Variants in LCA5L observed in about 807,000 individuals in gnomAD.
LCA5L encodes the protein lebercilin LCA5 like.
Under a neutral mutation model 45.4 loss-of-function variants are expected in LCA5L, and 35 were observed. The ratio of observed to expected loss-of-function variants is 0.77; its 90% confidence interval spans 0.59 to 1.02. The LOEUF (loss-of-function observed/expected upper bound fraction) is 1.02, where lower values mean the gene tolerates loss of function less well. Ranked by LOEUF, LCA5L falls within the 50% of genes least tolerant of loss-of-function variation. LCA5L has a pLI of 0.00. For synonymous variants in LCA5L, 233 were observed against 264.7 expected (o/e 0.88, Z 1.16); for missense variants, 668 against 761.6 (o/e 0.88, Z 1.45).
chr21:39,422,530 G>A (rs2073940553), intron 6 of LCA5L: 1 of 187,080 alleles, frequency 5.3e-6, no homozygotes, highest in Non-Finnish European at 1.1e-5. Flanking sequence ...CCAAAATGGT[G>A]AGGGAGAATA....
rs781013685 is a variant in LCA5L at position 39,428,383 on chromosome 21, A to G, written c.111T>C (p.Asp37=). The change falls in exon 5 of 11, where the codon GAT becomes GAC. Residue 37 remains aspartate (D), a synonymous_variant. Coordinates refer to ENST00000288350, the MANE Select transcript of LCA5L (RefSeq NM_152505.4). ...TGGAAGCATTACTGTTCCGTGAAAA[A>G]TCGCCTGTGCCTGGGCTTCTCTTGC... ...AACKRSPGTG[D]FSRNSNASNK... 7 of 1,613,290 alleles carry G rather than the reference A, an allele frequency of 4.3e-6. No homozygotes were observed. The African/African-American group carries it at 8.0e-5, about 19-fold the overall frequency.
intron 10 of LCA5L, 32 bp from the exon 11 acceptor site, chr21:39,406,644 T>C (rs1476513826): frequency 8.7e-6 from 13 of 1,494,620 alleles, no homozygotes; most frequent in African/African-American, 1.4e-5. Context: ...TTTAGTGCTG[T>C]TTAAAATGAA....
At chr21:39,411,636 T>G in intron 8 of LCA5L, 82 bp downstream of exon 8, 2 of 649,016 alleles carry the variant, frequency 3.1e-6, no homozygotes, top group Admixed American at 2.8e-5. Context: ...TTTGAAAATA[T>G]CCATTATTTT....
At chr21:39,415,465 C>T (rs907500316) in intron 7 of LCA5L, among the ~76,000 whole-genome samples, 18 of 152,216 alleles carry the variant, frequency 1.2e-4, no homozygotes, top group African/African-American at 2.7e-4. Context: ...GTTTCCCACT[C>T]TCTCTGACCA....
In LCA5L at chr21:39,409,323, A is replaced by G. The variant is rs777113779; in HGVS notation, c.1282+656T>C. On this transcript the variant is annotated intron_variant, in intron 10 of 10. Transcript: ENST00000288350. This position sits in a 1 kb window ranked among gnomAD's most constrained non-coding sequence, Gnocchi z 4.2. ...CTCCAGAACCATGAGAAAATAAATA[A>G]GTGTTGTTTAAACCGGCAGTCTGTG... Among the ~76,000 whole-genome samples, 1 of 152,122 alleles carries G rather than the reference A, an allele frequency of 6.6e-6. No individual in the cohort carries two copies. The highest frequency in any genetic ancestry group is 1.5e-5 in the Non-Finnish European group (1 of 68,040).
chr21:39,414,060 A>G (rs1447928504), intron 7 of LCA5L: 1 of 152,228 alleles, frequency 6.6e-6, no homozygotes, highest in African/African-American at 2.4e-5. Flanking sequence ...TTTGGAACAC[A>G]ACCCGGGATA....
chr21:39,426,444 G>C (rs2074721582), intron 5 of LCA5L, among the ~76,000 whole-genome samples: 1 of 152,152 alleles, frequency 6.6e-6, no homozygotes, highest in Non-Finnish European at 1.5e-5. Context: ...GTAGTATATA[G>C]ATTCAAGATC....
chr21:39,414,740 C>CTGTGTGTGTGTGTGTG (rs796818060), intron 7 of LCA5L, among the ~76,000 whole-genome samples: 18 of 104,114 alleles, frequency 1.7e-4, no homozygotes, highest in African/African-American at 4.4e-4. Flanking sequence ...CTCTCTCTCT[C>CTGTGTGTGTGTGTGTG]TCTGTGTGTG....
intron 2 of LCA5L, among the ~76,000 whole-genome samples, chr21:39,438,235 A>G (rs1007887756): frequency 1.3e-5 from 2 of 152,226 alleles, no homozygotes; most frequent in Admixed American, 6.5e-5. Flanking sequence ...TCTAAGATAA[A>G]GGTAGAGAAA....
intron 5 of LCA5L, among the ~76,000 whole-genome samples, chr21:39,424,302 T>C (rs1007969095): frequency 1.3e-5 from 2 of 152,082 alleles, no homozygotes; most frequent in Non-Finnish European, 2.9e-5. Flanking sequence ...GTGGGAGCCA[T>C]TGTGCCCGGC....
rs1601717388 is a variant in LCA5L, at chr21:39,411,748, T to G, written c.1030A>C (p.Asn344His). 1 of 1,585,218 alleles carries G rather than the reference T, an allele frequency of 6.3e-7. No homozygotes were observed. ...KNIYSHRILKNLHDTEDYPKV... is the reference protein window; with the variant it reads ...KNIYSHRILKHLHDTEDYPKV... ...GGATAGTCCTCTGTGTCATGTAAAT[T>G]TTTAAGTATTCGATGACTATAGATG... Residue 344 changes from asparagine to histidine, a missense_variant, in exon 8 of 11, where the codon AAT (asparagine) becomes CAT (histidine). Coordinates refer to ENST00000288350, the MANE Select transcript of LCA5L (RefSeq NM_152505.4).
intron 9 of LCA5L, 66 bp from the exon 10 acceptor site, chr21:39,410,162 T>C (rs1254947034): frequency 3.9e-6 from 5 of 1,277,818 alleles, no homozygotes; most frequent in Admixed American, 1.8e-5. Flanking sequence ...TTGCATTTTA[T>C]TCTAATGACT....
intron 7 of LCA5L, among the ~76,000 whole-genome samples, chr21:39,414,736 C>CTGTGTGTGTGTGTGTGTG (rs1445537335): frequency 1.1e-5 from 1 of 92,208 alleles, no homozygotes; most frequent in African/African-American, 4.6e-5. Flanking sequence ...CTCTCTCTCT[C>CTGTGTGTGTGTGTGTGTG]TCTCTCTGTG....
Position 39,428,215 on chromosome 21 carries a change from C to A in LCA5L, c.279G>T (p.Lys93Asn), listed in dbSNP as rs1216659449. Residue 93 changes from lysine to asparagine, a missense_variant, in exon 5 of 11, where the codon AAG becomes AAT. Physicochemically the swap from Lys to Asn is moderately conservative, Grantham distance 94 (BLOSUM62 0). Transcript: ENST00000288350. ...NYLKQPVVKE[K>N]EKKKYNVSKI... Reference sequence around the variant, plus strand: ...TAGAAACATTATACTTTTTCTTCTCCTTTTCTTTTACCACAGGCTGCTTTA... The same window carrying A: ...TAGAAACATTATACTTTTTCTTCTCATTTTCTTTTACCACAGGCTGCTTTA... 1 of 1,599,044 alleles carries A rather than the reference C, an allele frequency of 6.3e-7. No homozygotes were observed. Among genetic ancestry groups the A allele is most frequent in the Non-Finnish European group, 8.5e-7 (1 of 1,170,848 alleles).
At chr21:39,414,700 G>C (rs1395264149) in intron 7 of LCA5L, among the ~76,000 whole-genome samples, 1 of 147,048 alleles carries the variant, frequency 6.8e-6, no homozygotes, top group Non-Finnish European at 1.5e-5. Context: ...TACTGCATCT[G>C]TCTGGTTCTC....
In LCA5L at chr21:39,406,600, T is replaced by G; in HGVS notation, c.1295A>C (p.Glu432Ala). 6.3e-7 allele frequency: 1 copy of G among 1,578,220 alleles called. No individual in the cohort carries two copies. The highest frequency in any genetic ancestry group is 8.6e-7 in the Non-Finnish European group (1 of 1,166,450). The change falls in exon 11 of 11, where the codon GAA becomes GCA. Residue 432 changes from glutamate (E) to alanine (A), a missense_variant. Physicochemically the swap from Glu to Ala is moderately radical, Grantham distance 107 (BLOSUM62 -1). Coordinates refer to ENST00000288350, the MANE Select transcript of LCA5L (RefSeq NM_152505.4). ...SKRKYEDLSG[E>A]EKHLEVQILL... is the part of the protein sequence containing the mutation. ...TATTTGGACTTCCAAATGTTTCTCT[T>G]CCCCTGATAAATCTATATTAGAAAA...
intron 2 of LCA5L, chr21:39,438,868 A>G (rs2076540455): frequency 6.6e-6 from 1 of 152,262 alleles, no homozygotes; most frequent in African/African-American, 2.4e-5. Flanking sequence ...TCATTTTCCA[A>G]TCAATGTCTA....
chr21:39,444,968 G>A (rs2077292253), intron 1 of LCA5L, among the ~76,000 whole-genome samples: 1 of 152,160 alleles, frequency 6.6e-6, no homozygotes, highest in Non-Finnish European at 1.5e-5. Flanking sequence ...GTTCAGGGGA[G>A]GGGCGAGGGC....
intron 2 of LCA5L, among the ~76,000 whole-genome samples, chr21:39,439,419 AG>A (rs2076595420): frequency 6.6e-6 from 1 of 152,250 alleles, no homozygotes; most frequent in Non-Finnish European, 1.5e-5. Context: ...TTGTTATAGC[AG>A]CAATACAGAA....
Sources: gnomAD v4.1 joint callset for allele counts (sites outside exome capture counted in the v4.1 genomes callset) on GRCh38, gnomAD v4.1.1 for gene constraint, Gnocchi (gnomAD v3.1) non-coding constraint, MANE v1.5 for transcripts, NCBI Gene and HGNC (gene_info 2026-07-23, HGNC 2026-07-21) for gene names.